Variants in DNAH5 observed in about 807,000 individuals in gnomAD.
DNAH5 encodes axonemal beta dynein heavy chain 5.
In DNAH5, 372 loss-of-function variants were observed where a neutral mutation model predicts 518.2. The ratio of observed to expected loss-of-function variants is 0.72; its 90% CI spans 0.66 to 0.78. DNAH5 has a LOEUF of 0.78. Ranked by LOEUF, DNAH5 falls within the 30% of genes least tolerant of loss-of-function variation. The pLI, the probability that DNAH5 is intolerant of heterozygous loss-of-function variation, is 0.00. For synonymous variants in DNAH5, 2,039 were observed against 2,025.9 expected, an observed-to-expected ratio of 1.01 and a Z score of -0.17; for missense variants, 5,523 against 5,687.0, an observed-to-expected ratio of 0.97 and a Z score of 0.93.
At position 13,850,694 on chromosome 5, in the gene DNAH5, T is replaced by G. The variant is rs1030625968; in HGVS notation, c.5072A>C (p.His1691Pro). 1.2e-6 allele frequency: 2 copies of G among 1,613,986 alleles called. No homozygotes were observed. The highest frequency in any genetic ancestry group is 1.7e-6 in the Non-Finnish European group (2 of 1,179,994). ...GDETLGQLLP[H>P]LLDQLEICQK... ...GCATATTTCCAACTGGTCCAGCAAG[T>G]GTGGTAACAGCTGCCCCAGGGTCTC... The change falls in exon 31 of 79, where the codon CAC (histidine) becomes CCC (proline). Residue 1691 changes from histidine to proline, a missense_variant. By Grantham distance (77) the His-to-Pro change is moderately conservative (BLOSUM62 -2). Coordinates refer to ENST00000265104, the MANE Select transcript of DNAH5 (RefSeq NM_001369.3).
chr5:13,719,893 G>A (rs1744812714), intron 71 of DNAH5, among the ~76,000 whole-genome samples: 1 of 152,124 alleles, frequency 6.6e-6, no homozygotes, highest in Admixed American at 6.5e-5. Flanking sequence ...CATATATTTT[G>A]CCTGAATTAT....
rs144893234 is a variant in DNAH5, at chr5:13,870,824, C to G, written c.3777G>C (p.Ala1259=). 6.8e-6 allele frequency: 11 copies of G among 1,613,834 alleles called. No individual in the cohort carries two copies. The highest frequency in any genetic ancestry group is 9.3e-6 in the Non-Finnish European group (11 of 1,179,826). ...TTTGCTCCTCCCTTATTTCTTTCAG[C>G]GCTGCCATTGCAATCCGAATATCAT... is the stretch of plus-strand genomic sequence containing the variant. ...DLDDIRIAMA[A]LKEIREEQIS... Residue 1259 remains alanine, a synonymous_variant, in exon 24 of 79, where the codon GCG becomes GCC. Coordinates refer to ENST00000265104, the MANE Select transcript of DNAH5 (RefSeq NM_001369.3).
intron 47 of DNAH5, among the ~76,000 whole-genome samples, chr5:13,802,692 G>C (rs1758951733): frequency 1.3e-5 from 2 of 152,192 alleles, no homozygotes. Flanking sequence ...GCATTGCCTA[G>C]TTCTTAGGTA....
intron 65 of DNAH5, among the ~76,000 whole-genome samples, chr5:13,741,848 T>C (rs891988930): frequency 1.3e-5 from 2 of 152,096 alleles, no homozygotes; most frequent in Admixed American, 6.6e-5. Flanking sequence ...CCACTTGACA[T>C]TTGCCATGTT....
chr5:13,844,862 A>AT lies in DNAH5; in HGVS notation c.5245dup (p.Ile1749AsnfsTer2). The AT allele has an allele frequency of 6.2e-7, 1 of 1,614,214 alleles. No homozygotes were observed. The highest frequency in any genetic ancestry group is 8.5e-7 in the Non-Finnish European group (1 of 1,180,036). On this transcript the variant is annotated frameshift_variant, in exon 32 of 79. Transcript: ENST00000265104. LOFTEE classifies it high-confidence loss of function. ...CTTTTCGTGGAACTTGACAGATTTA[A>AT]TGTTGTCAAACACATTCAGCAAATG... is the stretch of plus-strand genomic sequence containing the variant.
At chr5:14,004,327 C>T (rs990203516) in intron 1 of DNAH5, among the ~76,000 whole-genome samples, 15 of 152,224 alleles carry the variant, frequency 9.9e-5, no homozygotes, top group East Asian at 5.8e-4. Context: ...TGATGAGCTG[C>T]GGGCTAGCTA....
chr5:13,886,993 C>A (rs76280567), intron 17 of DNAH5, among the ~76,000 whole-genome samples: 8,581 of 152,284 alleles, frequency 0.056, 246 homozygotes, highest in Admixed American at 0.062. Flanking sequence ...TCACAAACAT[C>A]CACAGGACCT....
chr5:13,901,560 TA>T lies in DNAH5; in HGVS notation c.1743del (p.Asn582IlefsTer21). The T allele has an allele frequency of 6.2e-7, 1 of 1,611,542 alleles. No individual in the cohort carries two copies. Among genetic ancestry groups the T allele is most frequent in the Non-Finnish European group, 8.5e-7 (1 of 1,178,438 alleles). ...MLKKFERLNIPNLGIDDKYQL... is the reference protein window; with the variant it reads ...MLKKFERLNIXNLGIDDKYQL... The stretch of plus-strand genomic sequence containing the variant: ...TGATATTTGTCATCAATACCAAGAT[TA>T]GGTATATTCAATCTGATTTTTTTAA... On this transcript the variant is annotated frameshift_variant, in exon 14 of 79. Transcript: ENST00000265104. LOFTEE classifies it high-confidence loss of function.
intron 40 of DNAH5, among the ~76,000 whole-genome samples, chr5:13,822,762 T>C (rs1762391099): frequency 6.6e-6 from 1 of 152,176 alleles, no homozygotes; most frequent in South Asian, 2.1e-4. Flanking sequence ...AGAGACATCA[T>C]GATATACATA....
At chr5:13,739,277 G>T (rs148233828) in intron 65 of DNAH5, among the ~76,000 whole-genome samples, 2 of 152,256 alleles carry the variant, frequency 1.3e-5, no homozygotes. Context: ...AAAGGTAATG[G>T]GGTCATGAGG....
intron 70 of DNAH5, among the ~76,000 whole-genome samples, chr5:13,722,803 C>T (rs1699820060): frequency 6.6e-6 from 1 of 152,334 alleles, no homozygotes; most frequent in African/African-American, 2.4e-5. Flanking sequence ...TCATAATGTC[C>T]ATTCCCCCAT....
At position 13,808,687 on chromosome 5, in the gene DNAH5, C is replaced by T. The variant is rs542061129; in HGVS notation, c.7752+357G>A. On this transcript the variant is annotated intron_variant, in intron 46 of 78. Coordinates refer to ENST00000265104, the MANE Select transcript of DNAH5 (RefSeq NM_001369.3). The stretch of plus-strand genomic sequence containing the variant: ...CAGGATGCTTCATGTTGGCTGGGCA[C>T]GGTGGCTCACGCCTGTAATCCCAGC... Among the ~76,000 whole-genome samples, 377 of 149,716 alleles carry T rather than the reference C, an allele frequency of 2.5e-3. 1 individual carries two copies. The highest frequency in any genetic ancestry group is 8.8e-3 in the African/African-American group (358 of 40,652).
chr5:13,695,903 C>T lies in DNAH5; in HGVS notation c.13724-3768G>A, dbSNP rs570976371. ...ACATACACACACATGCATCTACTTA[C>T]GCATGGACCTTTTCACTAAAACAAT... On this transcript the variant is annotated intron_variant, in intron 78 of 78. Transcript: ENST00000265104. Among the ~76,000 whole-genome samples the T allele has an allele frequency of 1.6e-4, 25 of 152,226 alleles. No homozygotes were observed. In the South Asian group the frequency reaches 2.5e-3, roughly 15 times the overall value.
chr5:13,825,432 C>A (rs1342696209), intron 38 of DNAH5, among the ~76,000 whole-genome samples: 1 of 152,126 alleles, frequency 6.6e-6, no homozygotes, highest in Non-Finnish European at 1.5e-5. Context: ...CAGCACCATT[C>A]ATGATAGCCA....
intron 3 of DNAH5, among the ~76,000 whole-genome samples, chr5:13,927,347 T>C (rs7733770): frequency 0.75 from 113,233 of 151,884 alleles, 42,588 homozygotes; most frequent in East Asian, 0.9. Context: ...CAAAAATTAG[T>C]TGGGCGTGGT....
intron 65 of DNAH5, among the ~76,000 whole-genome samples, chr5:13,737,886 A>G (rs1354093810): frequency 1.3e-5 from 2 of 152,156 alleles, no homozygotes; most frequent in East Asian, 3.9e-4. Flanking sequence ...ACATAGTGAA[A>G]ACCTGTCTCT....
chr5:13,829,658 A>G lies in DNAH5; in HGVS notation c.6296T>C (p.Ile2099Thr), dbSNP rs1763374350. 6.2e-7 allele frequency: 1 copy of G among 1,614,116 alleles called. No individual in the cohort carries two copies. Among genetic ancestry groups the G allele is most frequent in the Non-Finnish European group, 8.5e-7 (1 of 1,180,038 alleles). The change falls in exon 38 of 79, where the codon ATT (isoleucine) becomes ACT (threonine). Residue 2099 changes from isoleucine (I) to threonine (T), a missense_variant. Physicochemically the swap from Ile to Thr is moderately conservative, Grantham distance 89. Coordinates refer to ENST00000265104, the MANE Select transcript of DNAH5 (RefSeq NM_001369.3). ...GRQELPENLK[I>T]NFRSVAMMVP... ...CATCATGGCCACTGAGCGGAAATTA[A>G]TCTTCAAGTTTTCAGGGAGTTCCTG...
chr5:13,863,314 C>T (rs1376327030), intron 28 of DNAH5, among the ~76,000 whole-genome samples: 3 of 152,154 alleles, frequency 2.0e-5, no homozygotes, highest in Admixed American at 1.3e-4. Context: ...TATCTCCAGG[C>T]AAGACCCACA....
chr5:13,981,988 G>A (rs573596818), intron 1 of DNAH5, among the ~76,000 whole-genome samples: 1 of 152,148 alleles, frequency 6.6e-6, no homozygotes, highest in Non-Finnish European at 1.5e-5. Context: ...TAAACCAATA[G>A]GCTATAGACA....
Sources: allele counts gnomAD v4.1 joint callset (sites outside exome capture counted in the v4.1 genomes callset), GRCh38; gene constraint gnomAD v4.1.1; transcripts MANE v1.5; gene names NCBI Gene and HGNC (gene_info 2026-07-23, HGNC 2026-07-21).